The following SLCO3A1 variants were observed in gnomAD, a reference collection of about 807,000 sequenced individuals.
The protein encoded by SLCO3A1 is PGE1 transporter.
A neutral mutation model predicts 63.1 loss-of-function variants in SLCO3A1; 27 were observed. That is an observed-to-expected ratio of 0.43 (90% confidence interval 0.32 to 0.59). The LOEUF (loss-of-function observed/expected upper bound fraction) is 0.59. Among genes scored for constraint, SLCO3A1 ranks in the 20% least tolerant of loss-of-function variants. The pLI is 0.09. For synonymous variants in SLCO3A1, 473 were observed against 409.9 expected (o/e 1.15, Z -1.86); for missense variants, 773 against 945.8 (o/e 0.82, Z 2.40).
chr15:91,972,891 C>G (rs1226464733), intron 2 of SLCO3A1, among the ~76,000 whole-genome samples: 3 of 152,194 alleles, frequency 2.0e-5, no homozygotes, highest in Admixed American at 6.5e-5. Context: ...GAGGCCGAGG[C>G]AGGCGGATCA....
chr15:91,873,064 A>G (rs1455755980), intron 1 of SLCO3A1, among the ~76,000 whole-genome samples: 1 of 152,234 alleles, frequency 6.6e-6, no homozygotes, highest in African/African-American at 2.4e-5. Flanking sequence ...AATTCCCACA[A>G]AATTACAGAG....
chr15:92,165,085 G>A lies in SLCO3A1; in HGVS notation c.*1950G>A. ...ACAGGTATGGTACCGAATTTTTAAT[G>A]AACATTGTAAATGAAGAGGCTTGAA... On this transcript the variant is annotated 3_prime_UTR_variant, in exon 10 of 10. Transcript: ENST00000318445. 1 of 985,348 alleles carries A rather than the reference G, an allele frequency of 1.0e-6. No individual in the cohort carries two copies. The highest frequency in any genetic ancestry group is 4.7e-5 in the South Asian group (1 of 21,282). The allele number at this position is 985,348 out of a possible 1,614,324, so 61.0% of individuals were successfully genotyped here. A position where few individuals can be genotyped will look rare whatever the true frequency, so the allele number is the denominator to read the frequency against.
chr15:92,043,574 C>T (rs535901629), intron 2 of SLCO3A1, among the ~76,000 whole-genome samples: 1 of 152,296 alleles, frequency 6.6e-6, no homozygotes, highest in East Asian at 1.9e-4. Context: ...CAGGACTGCC[C>T]AAGTTTGAAT....
rs376641399 is a variant in SLCO3A1, at chr15:91,951,674, G to A, written c.646+35216G>A. 9.3e-5 allele frequency among the ~76,000 whole-genome samples: 14 copies of A among 150,090 alleles called. No individual in the cohort carries two copies. The East Asian group carries it at 9.9e-4, about 11-fold the overall frequency. On this transcript the variant is annotated intron_variant, in intron 2 of 9. Transcript: ENST00000318445. Reference sequence around the variant, plus strand: ...GGGTTCAAGCAATTCTCCTACCTCCGCCTCCCAAGTAGTAGGGATTAAGGC... The same window carrying A: ...GGGTTCAAGCAATTCTCCTACCTCCACCTCCCAAGTAGTAGGGATTAAGGC...
intron 2 of SLCO3A1, among the ~76,000 whole-genome samples, chr15:91,960,773 A>G (rs977546598): frequency 1.3e-5 from 2 of 151,888 alleles, no homozygotes; most frequent in Admixed American, 1.3e-4. Context: ...CAGATTTTGG[A>G]TTTTTTCAGA....
chr15:92,105,409 A>C (rs1028811729), intron 4 of SLCO3A1, among the ~76,000 whole-genome samples: 1 of 152,348 alleles, frequency 6.6e-6, no homozygotes, highest in East Asian at 1.9e-4. Context: ...GTCACACTTT[A>C]GGATGCAGCA....
chr15:91,932,727 G>A (rs899815521), intron 2 of SLCO3A1, among the ~76,000 whole-genome samples: 4 of 152,202 alleles, frequency 2.6e-5, no homozygotes, highest in Admixed American at 2.6e-4. Flanking sequence ...ACAGGCGTGA[G>A]CCACCGTGCC....
intron 2 of SLCO3A1, among the ~76,000 whole-genome samples, chr15:91,970,752 G>A (rs1900829363): frequency 1.3e-5 from 2 of 152,170 alleles, no homozygotes; most frequent in Admixed American, 1.3e-4. Context: ...CAGTGCCCAT[G>A]TGAACATGAA....
chr15:92,025,474 A>C (rs543513479), intron 2 of SLCO3A1, among the ~76,000 whole-genome samples: 1 of 152,196 alleles, frequency 6.6e-6, no homozygotes, highest in South Asian at 2.1e-4. Flanking sequence ...TACCACTACT[A>C]CTACTGCTGC....
At chr15:91,983,192 A>G (rs1309224196) in intron 2 of SLCO3A1, among the ~76,000 whole-genome samples, 1 of 152,246 alleles carries the variant, frequency 6.6e-6, no homozygotes. Context: ...TATGCCAGGC[A>G]TGGCCCTATA....
chr15:91,875,965 T>A lies in SLCO3A1; in HGVS notation c.180+21877T>A, dbSNP rs1237544738. Among the ~76,000 whole-genome samples, 1 of 152,154 alleles carries A rather than the reference T, an allele frequency of 6.6e-6. No individual in the cohort carries two copies. Among genetic ancestry groups the A allele is most frequent in the South Asian group, 2.1e-4 (1 of 4,830 alleles). ...AAGGTTTGCTACCCCTGCTCTAGAA[T>A]CTTAAAGAATTCTTAGAGTTGTGGT... On this transcript the variant is annotated intron_variant, in intron 1 of 9. Transcript: ENST00000318445. The surrounding 1 kb of genome is among the most constrained non-coding windows in gnomAD (Gnocchi z 4.5).
chr15:92,169,941 T>C (rs2048512503), downstream of SLCO3A1, among the ~76,000 whole-genome samples: 1 of 152,230 alleles, frequency 6.6e-6, no homozygotes, highest in African/African-American at 2.4e-5. Context: ...TTTGTAATAG[T>C]GACTCAGGTC....
intron 2 of SLCO3A1, among the ~76,000 whole-genome samples, chr15:91,936,927 T>TG (rs1174812824): frequency 6.6e-6 from 1 of 152,242 alleles, no homozygotes; most frequent in African/African-American, 2.4e-5. Context: ...ACTGTGATTA[T>TG]GGGGCACATA....
intron 1 of SLCO3A1, among the ~76,000 whole-genome samples, chr15:91,870,866 T>C (rs1000006392): frequency 7.6e-6 from 1 of 130,766 alleles, no homozygotes; most frequent in Non-Finnish European, 1.6e-5. Context: ...TCTTTAGATC[T>C]ACAATCTTTT....
At chr15:92,125,996 C>T in intron 5 of SLCO3A1, 65 bp from the exon 6 acceptor site, 10 of 1,414,794 alleles carry the variant, frequency 7.1e-6, no homozygotes, top group Non-Finnish European at 9.0e-6. Context: ...GGCCTGCTGC[C>T]CGCCTGTCTG....
intron 1 of SLCO3A1, among the ~76,000 whole-genome samples, chr15:91,877,275 T>C (rs1897422438): frequency 6.6e-6 from 1 of 152,220 alleles, no homozygotes; most frequent in Non-Finnish European, 1.5e-5. Context: ...TCCTTGTATA[T>C]ATTTTAAAAT....
intron 2 of SLCO3A1, among the ~76,000 whole-genome samples, chr15:91,935,871 T>A (rs1899394980): frequency 6.7e-6 from 1 of 148,838 alleles, no homozygotes; most frequent in African/African-American, 2.5e-5. Flanking sequence ...ACCTTAAAAC[T>A]GTTTCAAGGG....
chr15:92,147,113 C>T lies in SLCO3A1; in HGVS notation c.1642C>T (p.Leu548=). ...TFLCVMCICS[L]IGAMAQTPSV... ...CCTCTGTGTGATGTGTATCTGCAGC[C>T]TGATCGGTGCCATGGCACAGACACC... is the stretch of plus-strand genomic sequence containing the variant. The change falls in exon 8 of 10, where the codon CTG becomes TTG. Residue 548 remains leucine, a synonymous_variant. Transcript: ENST00000318445. 1 of 1,612,552 alleles carries T rather than the reference C, an allele frequency of 6.2e-7. No homozygotes were observed. The highest frequency in any genetic ancestry group is 1.1e-5 in the South Asian group (1 of 91,074).
exon 11 of SLCO3A1, chr15:92,172,192 C>A (rs1023108331): frequency 2.2e-5 from 5 of 231,136 alleles, no homozygotes; most frequent in Non-Finnish European, 4.2e-5. Flanking sequence ...TAGAAACTCC[C>A]CTCTTGGGAA....
Sources: allele counts gnomAD v4.1 joint callset (sites outside exome capture counted in the v4.1 genomes callset), GRCh38; gene constraint gnomAD v4.1.1; non-coding constraint Gnocchi (gnomAD v3.1); transcripts MANE v1.5; gene names NCBI Gene and HGNC (gene_info 2026-07-23, HGNC 2026-07-21).